Variants in FER1L6 observed in about 807,000 individuals in gnomAD.
FER1L6 encodes fer-1-like protein 6.
Under a neutral mutation model 219.2 loss-of-function variants are expected in FER1L6, and 177 were observed. That is an observed-to-expected ratio of 0.81 (90% CI 0.71 to 0.91). The LOEUF is 0.91. Ranked by LOEUF, FER1L6 falls within the 40% of genes least tolerant of loss-of-function variation. The probability of loss-of-function intolerance (pLI) is 0.00; values close to 1 mark genes in which losing one functional copy is unlikely to be tolerated. For missense variants in FER1L6, 2,153 were observed against 2,259.9 expected, an observed-to-expected ratio of 0.95 and a Z score of 0.96; for synonymous variants, 768 against 824.3, an observed-to-expected ratio of 0.93 and a Z score of 1.17.
Position 124,076,295 on chromosome 8 carries a change from T to C in FER1L6, c.4190T>C (p.Ile1397Thr). 1.2e-6 allele frequency: 2 copies of C among 1,613,808 alleles called. No individual in the cohort carries two copies. The highest frequency in any genetic ancestry group is 8.5e-7 in the Non-Finnish European group (1 of 1,179,718). The change falls in exon 32 of 41, where the codon ATC becomes ACC. Residue 1397 changes from isoleucine to threonine, a missense_variant. Transcript: ENST00000522917. ...GAAATCAAAGACCGGGATAAATACA[T>C]CCCTAAACAACTGAACCCAGTATTT... ...KTEIKDRDKY[I>T]PKQLNPVFGR...
At chr8:124,074,813 T>TA (rs1821213598) in intron 31 of FER1L6, among the ~76,000 whole-genome samples, 2 of 152,240 alleles carry the variant, frequency 1.3e-5, no homozygotes, top group African/African-American at 4.8e-5. Context: ...TAGTATAGCC[T>TA]ATTGCACTCC....
At chr8:124,047,981 T>A (rs1251763256) in intron 21 of FER1L6, among the ~76,000 whole-genome samples, 1 of 152,234 alleles carries the variant, frequency 6.6e-6, no homozygotes, top group Non-Finnish European at 1.5e-5. Flanking sequence ...TTTACTCTTT[T>A]GTTTCCAGGG....
intron 1 of FER1L6, among the ~76,000 whole-genome samples, chr8:123,915,978 A>G (rs899850737): frequency 6.6e-6 from 1 of 152,188 alleles, no homozygotes; most frequent in Non-Finnish European, 1.5e-5. Flanking sequence ...TCCATTTTGC[A>G]TATTTTGCTG....
Position 124,060,494 on chromosome 8 carries a change from G to C in FER1L6, c.2986-54G>C, listed in dbSNP as rs151000464. On this transcript the variant is annotated intron_variant, in intron 23 of 40. Transcript: ENST00000522917. ...ACTTTTCCACACAGAGCCAGGGCAG[G>C]TGTGGGGCTCCTCCGTGGATCTGTG... is the stretch of plus-strand genomic sequence containing the variant. 1.0e-4 allele frequency: 165 copies of C among 1,602,766 alleles called. 1 individual carries two copies. In the African/African-American group the frequency reaches 2.1e-3, roughly 20 times the overall value.
rs559136891 is a variant in FER1L6, at chr8:123,865,644, G to A, written c.-8+13459G>A. 4.0e-5 allele frequency among the ~76,000 whole-genome samples: 6 copies of A among 151,316 alleles called. 1 individual carries two copies. The highest frequency in any genetic ancestry group is 1.5e-4 in the African/African-American group (6 of 40,658). On this transcript the variant is annotated intron_variant, in intron 1 of 40. Transcript: ENST00000522917. ...TAGCAATCAGCGAGATTCCGTGGGC[G>A]TAGGACCCTCCGAGCCAGGTGTGGG...
chr8:124,061,133 T>G lies in FER1L6; in HGVS notation c.3147+424T>G, dbSNP rs1434194759. 3.3e-5 allele frequency among the ~76,000 whole-genome samples: 5 copies of G among 152,228 alleles called. No homozygotes were observed. In the East Asian group the frequency reaches 7.7e-4, roughly 23 times the overall value. ...AGAACCACTGGCCTAGAAAATACTG[T>G]AATAAGATTTATTTTAATGGCTACG... On this transcript the variant is annotated intron_variant, in intron 24 of 40. Transcript: ENST00000522917.
rs935851326 is a variant in FER1L6 at position 123,853,959 on chromosome 8, G to A, written c.-8+1774G>A. On this transcript the variant is annotated intron_variant, in intron 1 of 40. Coordinates refer to ENST00000522917, the MANE Select transcript of FER1L6 (RefSeq NM_001039112.2). The surrounding 1 kb of genome is among the most constrained non-coding windows in gnomAD (Gnocchi z 6.6). ...AAGGATGCAGGGCTTCTGTGGGCCTGGCTCTCAGGGAAGCATCAGGGACCG... is the reference window on the plus strand; with the variant it reads ...AAGGATGCAGGGCTTCTGTGGGCCTAGCTCTCAGGGAAGCATCAGGGACCG... 3.9e-5 allele frequency among the ~76,000 whole-genome samples: 6 copies of A among 152,196 alleles called. No individual in the cohort carries two copies. Among genetic ancestry groups the A allele is most frequent in the Non-Finnish European group, 5.9e-5 (4 of 68,038 alleles).
chr8:124,072,983 G>T (rs1401573476), intron 31 of FER1L6, among the ~76,000 whole-genome samples: 1 of 152,194 alleles, frequency 6.6e-6, no homozygotes, highest in Non-Finnish European at 1.5e-5. Flanking sequence ...CACATTCAAG[G>T]CTCTGAGAAT....
chr8:123,939,103 A>C (rs1316956032), intron 1 of FER1L6: 1 of 895,402 alleles, frequency 1.1e-6, no homozygotes, highest in Non-Finnish European at 1.3e-6. Flanking sequence ...ATGCCAAGAG[A>C]AGCATAGGTT....
At chr8:124,080,082 A>G (rs1427429931) in intron 32 of FER1L6, among the ~76,000 whole-genome samples, 3 of 152,196 alleles carry the variant, frequency 2.0e-5, no homozygotes, top group African/African-American at 7.2e-5. Context: ...TAAATGCTGA[A>G]TGAACGAATG....
intron 19 of FER1L6, among the ~76,000 whole-genome samples, chr8:124,036,868 C>T (rs181221234): frequency 6.6e-6 from 1 of 152,284 alleles, no homozygotes; most frequent in East Asian, 1.9e-4. Flanking sequence ...CCTTCCACAC[C>T]TACTGGAGAA....
At position 124,020,747 on chromosome 8, in the gene FER1L6, T is replaced by C. The variant is rs183709632; in HGVS notation, c.2014-803T>C. ...TTCCTCAGCTGTAAAATGGGAAAAA[T>C]AGAACCTACCTCATAAGGCTGTTAT... On this transcript the variant is annotated intron_variant, in intron 16 of 40. Transcript: ENST00000522917. Among the ~76,000 whole-genome samples, 226 of 152,082 alleles carry C rather than the reference T, an allele frequency of 1.5e-3. 3 individuals are homozygous for C. Among genetic ancestry groups the C allele is most frequent in the Non-Finnish European group, 2.8e-4 (19 of 67,982 alleles).
chr8:123,990,053 G>C (rs1370622717), intron 12 of FER1L6, among the ~76,000 whole-genome samples: 2 of 152,108 alleles, frequency 1.3e-5, no homozygotes, highest in African/African-American at 4.8e-5. Flanking sequence ...CGGATCACGA[G>C]GTCAGGAGAT....
chr8:124,119,088 G>A (rs1823372959), intron 40 of FER1L6, 144 bp downstream of exon 40: 2 of 655,080 alleles, frequency 3.1e-6, no homozygotes, highest in Admixed American at 2.9e-5. Flanking sequence ...TTTCCAACCT[G>A]TGTAGCTTTT....
At chr8:124,087,872 C>T (rs1027394582) in intron 33 of FER1L6, among the ~76,000 whole-genome samples, 1 of 152,132 alleles carries the variant, frequency 6.6e-6, no homozygotes, top group Non-Finnish European at 1.5e-5. Context: ...GGGTAAGATC[C>T]AGGAGAATTC....
At chr8:123,977,852 C>T (rs1457583064) in intron 10 of FER1L6, among the ~76,000 whole-genome samples, 3 of 152,176 alleles carry the variant, frequency 2.0e-5, no homozygotes, top group African/African-American at 4.8e-5. Context: ...TTCATATGTG[C>T]AGTTCATAGT....
At chr8:123,933,386 G>A (rs1813854320) in intron 1 of FER1L6, among the ~76,000 whole-genome samples, 2 of 138,158 alleles carry the variant, frequency 1.4e-5, no homozygotes, top group Admixed American at 1.4e-4. Flanking sequence ...GTCTGTGTGT[G>A]TGTGTGTGTG....
intron 1 of FER1L6, among the ~76,000 whole-genome samples, chr8:123,918,664 C>T (rs76249244): frequency 0.017 from 2,474 of 149,730 alleles, 66 homozygotes; most frequent in African/African-American, 0.057. Context: ...AAGTGTTTAG[C>T]AGAGAGCTGA....
intron 1 of FER1L6, among the ~76,000 whole-genome samples, chr8:123,861,982 C>A (rs7815689): frequency 0.14 from 10,114 of 74,540 alleles, 640 homozygotes; most frequent in African/African-American, 0.23. Flanking sequence ...CCTTCTCCTG[C>A]CTGATTGCCC....
Sources: gnomAD v4.1 joint callset for allele counts (sites outside exome capture counted in the v4.1 genomes callset) on GRCh38, gnomAD v4.1.1 for gene constraint, Gnocchi (gnomAD v3.1) non-coding constraint, MANE v1.5 for transcripts, NCBI Gene and HGNC (gene_info 2026-07-23, HGNC 2026-07-21) for gene names.